The following EVI5 variants were observed in gnomAD, a reference collection of about 807,000 sequenced individuals.
The protein encoded by EVI5 is ecotropic viral integration site 5 protein homolog.
In EVI5, 73 loss-of-function variants were observed where a neutral mutation model predicts 112.0. That is an observed-to-expected ratio of 0.65 (90% CI 0.54 to 0.79). The LOEUF (loss-of-function observed/expected upper bound fraction) is 0.79. Among genes scored for constraint, EVI5 ranks in the 30% least tolerant of loss-of-function variants. The probability of loss-of-function intolerance (pLI) is 0.00; values close to 1 mark genes in which losing one functional copy is unlikely to be tolerated. For missense variants in EVI5, 900 were observed against 968.8 expected, an observed-to-expected ratio of 0.93 and a Z score of 0.94; for synonymous variants, 305 against 319.9, an observed-to-expected ratio of 0.95 and a Z score of 0.50.
intron 1 of EVI5, among the ~76,000 whole-genome samples, chr1:92,738,874 G>A (rs1267776429): frequency 6.6e-6 from 1 of 151,958 alleles, no homozygotes; most frequent in Non-Finnish European, 1.5e-5. Context: ...CCTCAACCTA[G>A]GGTAAATTGA....
chr1:92,720,504 A>T (rs1674556497), intron 2 of EVI5, among the ~76,000 whole-genome samples: 1 of 152,214 alleles, frequency 6.6e-6, no homozygotes, highest in South Asian at 2.1e-4. Context: ...TCCCTTCCTT[A>T]CACCTTATAC....
At position 92,633,984 on chromosome 1, in the gene EVI5, T is replaced by C. The variant is rs201331902; in HGVS notation, c.1527+2218A>G. Among the ~76,000 whole-genome samples the C allele has an allele frequency of 3.9e-3, 597 of 152,354 alleles. 4 individuals are homozygous for C. The highest frequency in any genetic ancestry group is 0.013 in the African/African-American group (559 of 41,582). On this transcript the variant is annotated intron_variant, in intron 14 of 19. Transcript: ENST00000684568. Reference sequence around the variant, plus strand: ...TGAAATTCTGGGTTGAAAATTCTTTTCTTTAAGAATGTTGAATATTGGCCC... The same window carrying C: ...TGAAATTCTGGGTTGAAAATTCTTTCCTTTAAGAATGTTGAATATTGGCCC...
At chr1:92,714,142 T>C in intron 2 of EVI5, 7 of 982,760 alleles carry the variant, frequency 7.1e-6, no homozygotes, top group Non-Finnish European at 8.5e-6. Flanking sequence ...ATCTTTGACA[T>C]TACATTAAAC....
intron 5 of EVI5, among the ~76,000 whole-genome samples, chr1:92,700,093 G>A (rs1039688966): frequency 1.3e-5 from 2 of 152,140 alleles, no homozygotes; most frequent in African/African-American, 4.8e-5. Flanking sequence ...ATGAAAAAAT[G>A]TGACACGGAG....
At chr1:92,527,414 C>CAAAAAAAAAAAAAAAAAAAAAA (rs763348201) in intron 19 of EVI5, among the ~76,000 whole-genome samples, 2 of 18,628 alleles carry the variant, frequency 1.1e-4, no homozygotes, top group Non-Finnish European at 2.1e-4. Context: ...GACACTGTCT[C>CAAAAAAAAAAAAAAAAAAAAAA]AAAAAAAAAA....
chr1:92,513,543 AT>A lies in EVI5; in HGVS notation c.*112del. The A allele has an allele frequency of 5.5e-5, 1 of 18,148 alleles. No homozygotes were observed. Among genetic ancestry groups the A allele is most frequent in the Admixed American group, 7.4e-4 (1 of 1,358 alleles). 1.1% of individuals were successfully genotyped at this position (18,148 alleles called of 1,614,324 possible). A position where few individuals can be genotyped will look rare whatever the true frequency, so the allele number is the denominator to read the frequency against. ...TATATATATATATATATATATATAT[AT>A]ATATATATATATATATATATATGTA... On this transcript the variant is annotated 3_prime_UTR_variant, in exon 20 of 20. Coordinates refer to ENST00000684568, the MANE Select transcript of EVI5 (RefSeq NM_001350197.2).
chr1:92,624,421 A>G (rs1655208067), intron 15 of EVI5, 87 bp from the exon 16 acceptor site: 1 of 1,048,592 alleles, frequency 9.5e-7, no homozygotes, highest in Non-Finnish European at 1.4e-6. Flanking sequence ...CAGGCCTGTG[A>G]TATATAAAAC....
intron 18 of EVI5, among the ~76,000 whole-genome samples, chr1:92,590,343 T>C (rs1445239794): frequency 6.6e-6 from 1 of 152,030 alleles, no homozygotes; most frequent in Non-Finnish European, 1.5e-5. Context: ...TTCGAACCCA[T>C]GGCAAAGAAG....
intron 11 of EVI5, among the ~76,000 whole-genome samples, chr1:92,663,867 C>T (rs770182099): frequency 8.5e-5 from 13 of 152,142 alleles, no homozygotes; most frequent in Non-Finnish European, 1.6e-4. Context: ...TCTGCTTCAG[C>T]CTCCTGAGCA....
At chr1:92,725,036 A>G (rs377635269) in intron 2 of EVI5, among the ~76,000 whole-genome samples, 25 of 152,246 alleles carry the variant, frequency 1.6e-4, no homozygotes, top group African/African-American at 5.5e-4. Context: ...CAGATAAACC[A>G]TATTTCAGGT....
chr1:92,544,632 AAGG>A (rs1340327624), intron 19 of EVI5, among the ~76,000 whole-genome samples: 2 of 152,088 alleles, frequency 1.3e-5, no homozygotes, highest in Non-Finnish European at 2.9e-5. Context: ...TAATAAGTAG[AAGG>A]AGATGAATGC....
At position 92,606,919 on chromosome 1, in the gene EVI5, CA is replaced by C. The variant is rs1333831434; in HGVS notation, c.1974+661del. 1.7e-4 allele frequency among the ~76,000 whole-genome samples: 17 copies of C among 100,914 alleles called. No homozygotes were observed. In the East Asian group the frequency reaches 7.4e-3, roughly 44 times the overall value. The allele number at this position is 100,914 out of a possible 152,430, so 66.2% of individuals were successfully genotyped here. Reference sequence around the variant, plus strand: ...ACACACACACACACACACACACACACACACCCCCCCAAACCCTCCCTCCTCT... The same window carrying C: ...ACACACACACACACACACACACACACCACCCCCCCAAACCCTCCCTCCTCT... On this transcript the variant is annotated intron_variant, in intron 17 of 19. Transcript: ENST00000684568.
At chr1:92,617,040 T>C (rs1411067554) in intron 16 of EVI5, among the ~76,000 whole-genome samples, 1 of 152,192 alleles carries the variant, frequency 6.6e-6, no homozygotes, top group Non-Finnish European at 1.5e-5. Flanking sequence ...GATGGCCTCA[T>C]GGGGAGTTCC....
At position 92,510,788 on chromosome 1, in the gene EVI5, A is replaced by G. The variant is rs1027509096; in HGVS notation, c.*2868T>C. The stretch of plus-strand genomic sequence containing the variant: ...GAATTTCATATAATTTTCATGTGAC[A>G]CAAAATATCAGTCTTTGGAATTTTT... On this transcript the variant is annotated 3_prime_UTR_variant, in exon 20 of 20. Transcript: ENST00000684568. The G allele has an allele frequency of 2.0e-5, 3 of 152,264 alleles. No individual in the cohort carries two copies. Among genetic ancestry groups the G allele is most frequent in the African/African-American group, 7.2e-5 (3 of 41,468 alleles). The allele number at this position is 152,264 out of a possible 1,614,324, so 9.4% of individuals were successfully genotyped here.
intron 16 of EVI5, among the ~76,000 whole-genome samples, chr1:92,611,234 T>G (rs944227796): frequency 6.6e-6 from 1 of 151,546 alleles, no homozygotes; most frequent in South Asian, 2.1e-4. Context: ...TAACAAAACT[T>G]AGAATGCTAA....
chr1:92,683,760 A>AT (rs1411139378), intron 9 of EVI5, among the ~76,000 whole-genome samples: 1 of 152,222 alleles, frequency 6.6e-6, no homozygotes, highest in Non-Finnish European at 1.5e-5. Flanking sequence ...TTCGTGACAC[A>AT]TGCACAAGCT....
At chr1:92,732,823 C>G (rs1358173130) in intron 2 of EVI5, among the ~76,000 whole-genome samples, 1 of 146,282 alleles carries the variant, frequency 6.8e-6, no homozygotes, top group African/African-American at 2.5e-5. Flanking sequence ...TTGCTTGAAC[C>G]CAGGAGGCAG....
At position 92,510,885 on chromosome 1, in the gene EVI5, C is replaced by T. The variant is rs1358873502; in HGVS notation, c.*2771G>A. ...CTTGTAGGCTGCACTTTGCTGACCC[C>T]TGGTCCAGATCATTCAGATTTCTTG... On this transcript the variant is annotated 3_prime_UTR_variant, in exon 20 of 20. Coordinates refer to ENST00000684568, the MANE Select transcript of EVI5 (RefSeq NM_001350197.2). The T allele has an allele frequency of 6.6e-6, 1 of 152,374 alleles. No individual in the cohort carries two copies. The highest frequency in any genetic ancestry group is 2.4e-5 in the African/African-American group (1 of 41,576). The allele number at this position is 152,374 out of a possible 1,614,324, so 9.4% of individuals were successfully genotyped here.
At chr1:92,601,477 T>C (rs980832709) in intron 18 of EVI5, among the ~76,000 whole-genome samples, 2 of 152,184 alleles carry the variant, frequency 1.3e-5, no homozygotes, top group African/African-American at 2.4e-5. Flanking sequence ...AGTAGATGAA[T>C]GAATAAAGAA....
Sources: allele counts gnomAD v4.1 joint callset (sites outside exome capture counted in the v4.1 genomes callset), GRCh38; gene constraint gnomAD v4.1.1; transcripts MANE v1.5; gene names NCBI Gene and HGNC (gene_info 2026-07-23, HGNC 2026-07-21).